UNC5A: variants seen among roughly 807,000 people sequenced by gnomAD.
The protein encoded by UNC5A is netrin receptor UNC5A.
A neutral mutation model predicts 87.4 loss-of-function variants in UNC5A; 20 were observed. That is an observed-to-expected ratio of 0.23 (90% CI 0.16 to 0.33). UNC5A has a LOEUF of 0.33. UNC5A is among the 10% of genes least tolerant of loss of function. The pLI is 1.00. For missense variants in UNC5A, 844 were observed against 1,133.4 expected (o/e 0.74, Z 3.67); for synonymous variants, 438 against 482.3 (o/e 0.91, Z 1.20).
chr5:176,830,933 T>C (rs929110092), intron 1 of UNC5A, among the ~76,000 whole-genome samples: 3 of 149,728 alleles, frequency 2.0e-5, no homozygotes, highest in African/African-American at 7.4e-5. Flanking sequence ...TGGGTGTGTG[T>C]GTGCTGGCCT....
chr5:176,842,669 A>G (rs997827440), intron 1 of UNC5A, among the ~76,000 whole-genome samples: 1 of 152,180 alleles, frequency 6.6e-6, no homozygotes, highest in Admixed American at 6.5e-5. Flanking sequence ...ACGCAAAGGC[A>G]AAAGAATGAT....
At chr5:176,829,605 G>A (rs1252498433) in intron 1 of UNC5A, among the ~76,000 whole-genome samples, 1 of 151,848 alleles carries the variant, frequency 6.6e-6, no homozygotes, top group African/African-American at 2.4e-5. Flanking sequence ...ATGGATGGGT[G>A]GGTGGATGGG....
chr5:176,861,297 T>C (rs1010234740), intron 1 of UNC5A, among the ~76,000 whole-genome samples: 1 of 152,188 alleles, frequency 6.6e-6, no homozygotes, highest in African/African-American at 2.4e-5. Context: ...CCTTAAGAAC[T>C]GGGCACCACG....
chr5:176,876,923 G>A (rs573458031), intron 8 of UNC5A, among the ~76,000 whole-genome samples: 67 of 152,308 alleles, frequency 4.4e-4, no homozygotes, highest in Non-Finnish European at 8.4e-4. Context: ...GGTCGGTACC[G>A]CATACCTTCT....
rs771611103 is a variant in UNC5A at position 176,874,300 on chromosome 5, G to GCACCAC, written c.1123_1128dup (p.Thr375_Thr376dup). On this transcript the variant is annotated inframe_insertion, in exon 8 of 15. Transcript: ENST00000329542. The surrounding 1 kb of genome is among the most constrained non-coding windows in gnomAD (Gnocchi z 7.6). Reference sequence around the variant, plus strand: ...CTGCTCACCATCCAGCCGGACCTCAGCACCACCACCACCACCTACCAGGGC... The same window carrying GCACCAC: ...CTGCTCACCATCCAGCCGGACCTCAGCACCACCACCACCACCACCACCTACCAGGGC... 5.0e-6 allele frequency: 8 copies of GCACCAC among 1,606,172 alleles called. No individual in the cohort carries two copies. The South Asian group carries it at 8.9e-5, about 18-fold the overall frequency.
chr5:176,874,574 G>A lies in UNC5A; in HGVS notation c.1378+8G>A. On this transcript the variant is annotated splice_region_variant and intron_variant, in intron 8 of 14. Coordinates refer to ENST00000329542, the MANE Select transcript of UNC5A (RefSeq NM_133369.3). The surrounding 1 kb of genome is among the most constrained non-coding windows in gnomAD (Gnocchi z 7.6). ...TGATGATCCCTAATACAGGTAGGAAGGACCCCAGGGGGCTCTGAGAGCTCC... is the reference window on the plus strand; with the variant it reads ...TGATGATCCCTAATACAGGTAGGAAAGACCCCAGGGGGCTCTGAGAGCTCC... 6.6e-7 allele frequency: 1 copy of A among 1,515,814 alleles called. No homozygotes were observed. Among genetic ancestry groups the A allele is most frequent in the Non-Finnish European group, 8.9e-7 (1 of 1,128,942 alleles). The allele number at this position is 1,515,814 out of a possible 1,614,324, so 93.9% of individuals were successfully genotyped here.
intron 1 of UNC5A, among the ~76,000 whole-genome samples, chr5:176,858,722 AGAAG>A (rs397968461): frequency 6.2e-4 from 31 of 49,864 alleles, no homozygotes; most frequent in South Asian, 3.3e-3. Context: ...AGAGAGAGAG[AGAAG>A]GAAGGAAGGA....
At chr5:176,861,891 T>A (rs190677301) in intron 1 of UNC5A, among the ~76,000 whole-genome samples, 338 of 152,244 alleles carry the variant, frequency 2.2e-3, no homozygotes, top group African/African-American at 7.7e-3. Context: ...CACCCCATCC[T>A]CTCAGGGGAC....
intron 1 of UNC5A, among the ~76,000 whole-genome samples, chr5:176,830,706 G>A (rs538565356): frequency 1.6e-4 from 22 of 136,274 alleles, no homozygotes; most frequent in Admixed American, 3.1e-4. Flanking sequence ...GTGCACTGGC[G>A]CGTGTGTGTG....
At chr5:176,847,880 G>C (rs1039483700) in intron 1 of UNC5A, among the ~76,000 whole-genome samples, 2 of 150,640 alleles carry the variant, frequency 1.3e-5, no homozygotes, top group African/African-American at 2.4e-5. Flanking sequence ...CAGAGAAATG[G>C]GCCTGCCCTT....
intron 1 of UNC5A, among the ~76,000 whole-genome samples, chr5:176,831,390 C>T (rs1757022527): frequency 6.6e-6 from 1 of 152,148 alleles, no homozygotes; most frequent in African/African-American, 2.4e-5. Flanking sequence ...ACCTGGCACC[C>T]CTTTTGTTCA....
chr5:176,849,597 C>T (rs1180126937), intron 1 of UNC5A, among the ~76,000 whole-genome samples: 1 of 152,154 alleles, frequency 6.6e-6, no homozygotes, highest in African/African-American at 2.4e-5. Context: ...AAATGGTGCA[C>T]CTCTCATCTG....
In UNC5A at chr5:176,879,749, A is replaced by G; in HGVS notation, c.2392A>G (p.Ser798Gly). 1 of 1,613,254 alleles carries G rather than the reference A, an allele frequency of 6.2e-7. No homozygotes were observed. The highest frequency in any genetic ancestry group is 1.1e-5 in the South Asian group (1 of 91,054). The change falls in exon 15 of 15, where the codon AGC becomes GGC. Residue 798 changes from serine to glycine, a missense_variant. Ser to Gly is a moderately conservative substitution (Grantham distance 56). This residue lies in a region of UNC5A where 177 missense variants were observed against 279.4 expected (regional missense o/e 0.63). Transcript: ENST00000329542. ...SHLSFFASKPSPTAMILNLWE... is the reference protein window; with the variant it reads ...SHLSFFASKPGPTAMILNLWE... The stretch of plus-strand genomic sequence containing the variant: ...TCTCAGCTTCTTTGCCTCCAAGCCC[A>G]GCCCCACAGCCATGATCCTCAACCT...
chr5:176,855,137 GCTGGCCTCTCC>G lies in UNC5A; in HGVS notation c.71-7484_71-7474del, dbSNP rs1757635257. On this transcript the variant is annotated intron_variant, in intron 1 of 14. Coordinates refer to ENST00000329542, the MANE Select transcript of UNC5A (RefSeq NM_133369.3). ...CAGGCCTCTGATGCTGGCAGGAGGA[GCTGGCCTCTCC>G]CTTGCACTGGTTGTCTCCACTCTTC... is the stretch of plus-strand genomic sequence containing the variant. 2.6e-5 allele frequency among the ~76,000 whole-genome samples: 4 copies of G among 152,260 alleles called. No homozygotes were observed. The South Asian group carries it at 8.3e-4, about 31-fold the overall frequency.
intron 6 of UNC5A, among the ~76,000 whole-genome samples, chr5:176,870,957 C>T (rs1758097284): frequency 7.9e-6 from 1 of 125,894 alleles, no homozygotes; most frequent in African/African-American, 3.1e-5. Flanking sequence ...CACACTCGCC[C>T]AACACCACAG....
intron 1 of UNC5A, among the ~76,000 whole-genome samples, chr5:176,814,262 T>C (rs990302163): frequency 6.6e-6 from 1 of 152,182 alleles, no homozygotes. Context: ...ACCCAAACCT[T>C]GAGCCCCCTT....
Position 176,810,730 on chromosome 5 carries a change from C to T in UNC5A, c.-21C>T. On this transcript the variant is annotated 5_prime_UTR_variant, in exon 1 of 15. Transcript: ENST00000329542. This position sits in a 1 kb window ranked among gnomAD's most constrained non-coding sequence, Gnocchi z 7.3. ...CCCGCGGGGCCCCGCGCCCGGCCCG[C>T]CCGCCTGCCCGCCCGCGGCCATGGC... 2 of 1,097,502 alleles carry T rather than the reference C, an allele frequency of 1.8e-6. No individual in the cohort carries two copies. The highest frequency in any genetic ancestry group is 2.2e-6 in the Non-Finnish European group (2 of 898,150). 68.0% of individuals were successfully genotyped at this position (1,097,502 alleles called of 1,614,324 possible). A position where few individuals can be genotyped will look rare whatever the true frequency, so the allele number is the denominator to read the frequency against.
At chr5:176,830,366 ATG>A (rs771215847) in intron 1 of UNC5A, among the ~76,000 whole-genome samples, 2 of 151,332 alleles carry the variant, frequency 1.3e-5, no homozygotes, top group Non-Finnish European at 1.5e-5. Flanking sequence ...GTATGCTGGC[ATG>A]TGTGTGTGTG....
At chr5:176,873,683 G>C (rs1215616047) in intron 6 of UNC5A, among the ~76,000 whole-genome samples, 1 of 152,170 alleles carries the variant, frequency 6.6e-6, no homozygotes, top group Admixed American at 6.5e-5. Flanking sequence ...ATCCGCTCTG[G>C]GGAAGTAGCT....
Sources: allele counts gnomAD v4.1 joint callset (sites outside exome capture counted in the v4.1 genomes callset), GRCh38; gene constraint gnomAD v4.1.1; regional missense constraint gnomAD v4.1.1; non-coding constraint Gnocchi (gnomAD v3.1); transcripts MANE v1.5; gene names NCBI Gene and HGNC (gene_info 2026-07-23, HGNC 2026-07-21).